The following TSPAN13 variants were observed in gnomAD, a reference collection of about 807,000 sequenced individuals.
TSPAN13 encodes the protein tetraspanin-13.
In TSPAN13, 18 loss-of-function variants were observed where a neutral mutation model predicts 26.9. The ratio of observed to expected loss-of-function variants is 0.67; its 90% CI spans 0.46 to 0.99. The LOEUF is 0.99. TSPAN13 is among the 50% of genes least tolerant of loss of function. The pLI is 0.00. For missense variants in TSPAN13, 201 were observed against 249.6 expected (o/e 0.81, Z 1.31); for synonymous variants, 116 against 98.4 (o/e 1.18, Z -1.06).
intron 1 of TSPAN13, among the ~76,000 whole-genome samples, chr7:16,771,767 A>G (rs550017895): frequency 1.3e-5 from 2 of 152,232 alleles, no homozygotes; most frequent in Non-Finnish European, 2.9e-5. Context: ...GTTAATTTGC[A>G]AAAGCAGCGA....
At chr7:16,755,978 A>G (rs1457212477) in intron 1 of TSPAN13, among the ~76,000 whole-genome samples, 1 of 152,204 alleles carries the variant, frequency 6.6e-6, no homozygotes, top group Non-Finnish European at 1.5e-5. Flanking sequence ...GGACAATAAA[A>G]ATGGCTAGCC....
Position 16,753,919 on chromosome 7 carries a change from C to A in TSPAN13, c.-49C>A. 6.3e-7 allele frequency: 1 copy of A among 1,586,220 alleles called. No homozygotes were observed. Among genetic ancestry groups the A allele is most frequent in the Non-Finnish European group, 8.6e-7 (1 of 1,163,100 alleles). Reference sequence around the variant, plus strand: ...GGACAAAGCAGCTGTCAGGGAACCTCCGCCGGAGTCGAATTTACGTGCAGC... The same window carrying A: ...GGACAAAGCAGCTGTCAGGGAACCTACGCCGGAGTCGAATTTACGTGCAGC... On this transcript the variant is annotated 5_prime_UTR_variant, in exon 1 of 6. Transcript: ENST00000262067.
intron 1 of TSPAN13, among the ~76,000 whole-genome samples, chr7:16,768,901 G>C (rs1396418042): frequency 6.6e-6 from 1 of 152,074 alleles, no homozygotes; most frequent in Admixed American, 6.5e-5. Flanking sequence ...TTTTGAGACA[G>C]AGTCTTGCTC....
intron 3 of TSPAN13, 151 bp from the exon 4 acceptor site, chr7:16,777,646 TG>T: frequency 2.1e-6 from 1 of 480,212 alleles, no homozygotes; most frequent in Non-Finnish European, 3.6e-6. Context: ...CCTTAATTTT[TG>T]CTGCAAACTG....
chr7:16,768,337 C>T (rs1246993224), intron 1 of TSPAN13, among the ~76,000 whole-genome samples: 6 of 152,104 alleles, frequency 3.9e-5, no homozygotes, highest in Non-Finnish European at 7.4e-5. Flanking sequence ...TTGGATGGTA[C>T]GGCAGGTAAA....
At chr7:16,754,576 G>C (rs1467880191) in intron 1 of TSPAN13, among the ~76,000 whole-genome samples, 2 of 152,230 alleles carry the variant, frequency 1.3e-5, no homozygotes, top group African/African-American at 4.8e-5. Context: ...TCCGAAGTTT[G>C]TTTCGTGCTC....
At chr7:16,759,681 TTTTTC>T (rs1435661188) in intron 1 of TSPAN13, among the ~76,000 whole-genome samples, 2 of 150,820 alleles carry the variant, frequency 1.3e-5, no homozygotes, top group African/African-American at 2.5e-5. Context: ...TTTCTGCTTT[TTTTTC>T]TTTTCTTTCT....
At chr7:16,773,498 T>C (rs148652741) in intron 1 of TSPAN13, among the ~76,000 whole-genome samples, 76 of 152,334 alleles carry the variant, frequency 5.0e-4, no homozygotes, top group African/African-American at 1.7e-3. Flanking sequence ...AGTTGGGTAG[T>C]TGTGGCAGAG....
chr7:16,760,118 A>G (rs990629353), intron 1 of TSPAN13, among the ~76,000 whole-genome samples: 2 of 152,202 alleles, frequency 1.3e-5, no homozygotes, highest in Non-Finnish European at 2.9e-5. Context: ...CTATAGGGCC[A>G]TGAGCTTTTA....
intron 1 of TSPAN13, among the ~76,000 whole-genome samples, chr7:16,759,530 G>A (rs1317427267): frequency 6.6e-6 from 1 of 152,006 alleles, no homozygotes; most frequent in Non-Finnish European, 1.5e-5. Flanking sequence ...CCAACATTGG[G>A]GATTACATTT....
intron 4 of TSPAN13, 127 bp from the exon 5 acceptor site, chr7:16,778,876 C>T (rs778874760): frequency 6.6e-5 from 42 of 633,914 alleles, no homozygotes; most frequent in South Asian, 5.7e-4. Context: ...GAGATTTGCA[C>T]ACTAAAAAAC....
intron 4 of TSPAN13, among the ~76,000 whole-genome samples, chr7:16,778,649 T>A (rs1013712707): frequency 3.9e-5 from 6 of 152,238 alleles, no homozygotes; most frequent in Non-Finnish European, 8.8e-5. Flanking sequence ...TATGTTACTC[T>A]TTCACAATGT....
At chr7:16,779,314 C>A (rs1027365898) in intron 5 of TSPAN13, among the ~76,000 whole-genome samples, 198 bp downstream of exon 5, 1 of 152,148 alleles carries the variant, frequency 6.6e-6, no homozygotes, top group Non-Finnish European at 1.5e-5. Context: ...AAGGCTTGAT[C>A]TGTCTCTTCT....
chr7:16,764,495 T>C (rs73299648), intron 1 of TSPAN13, among the ~76,000 whole-genome samples: 5,391 of 152,120 alleles, frequency 0.035, 330 homozygotes, highest in African/African-American at 0.12. Flanking sequence ...CACAGTGTGC[T>C]CTTCTGCTTG....
Position 16,760,900 on chromosome 7 carries a change from A to C in TSPAN13, c.63+6870A>C, listed in dbSNP as rs139402162. Among the ~76,000 whole-genome samples the C allele has an allele frequency of 5.1e-4, 78 of 152,330 alleles. 1 individual carries two copies. The East Asian group carries it at 0.013, about 25-fold the overall frequency. ...CTCTGAACAATAAAGGCAATGTCGC[A>C]GTCATTCTGGCTTTCCTGTGTGCCC... is the stretch of plus-strand genomic sequence containing the variant. On this transcript the variant is annotated intron_variant, in intron 1 of 5. Coordinates refer to ENST00000262067, the MANE Select transcript of TSPAN13 (RefSeq NM_014399.4).
intron 1 of TSPAN13, among the ~76,000 whole-genome samples, chr7:16,774,479 C>T (rs1784717099): frequency 6.6e-6 from 1 of 152,174 alleles, no homozygotes; most frequent in African/African-American, 2.4e-5. Context: ...TCTTTTACAG[C>T]TCCTGAAGGG....
At chr7:16,783,364 T>C (rs1784834829) in intron 5 of TSPAN13, 53 bp from the exon 6 acceptor site, 3 of 1,527,976 alleles carry the variant, frequency 2.0e-6, no homozygotes, top group East Asian at 2.3e-5. Flanking sequence ...TGAATAAATA[T>C]ACATAAATGT....
intron 1 of TSPAN13, among the ~76,000 whole-genome samples, chr7:16,772,998 A>G (rs1259786010): frequency 6.6e-6 from 1 of 152,112 alleles, no homozygotes; most frequent in Non-Finnish European, 1.5e-5. Flanking sequence ...TCTGTCTCCA[A>G]AAAATAAAAT....
chr7:16,771,376 T>C (rs74757363), intron 1 of TSPAN13, among the ~76,000 whole-genome samples: 56 of 152,356 alleles, frequency 3.7e-4, no homozygotes, highest in African/African-American at 1.2e-3. Flanking sequence ...CATATCCTAA[T>C]CCTTGAAACC....
Sources: gnomAD v4.1 joint callset for allele counts (sites outside exome capture counted in the v4.1 genomes callset) on GRCh38, gnomAD v4.1.1 for gene constraint, MANE v1.5 for transcripts, NCBI Gene and HGNC (gene_info 2026-07-23, HGNC 2026-07-21) for gene names.